The following COL23A1 variants were observed in gnomAD, a reference collection of about 807,000 sequenced individuals.
The protein encoded by COL23A1 is collagen alpha-1(XXIII) chain.
COL23A1 carries 97 observed loss-of-function variants against 99.3 expected under a neutral mutation model. The observed-to-expected ratio is 0.98, with a 90% CI of 0.83 to 1.16. The LOEUF (loss-of-function observed/expected upper bound fraction) is 1.16, where lower values mean the gene tolerates loss of function less well. Among genes scored for constraint, COL23A1 ranks in the 50% most tolerant of loss-of-function variants. The pLI, the probability that COL23A1 is intolerant of heterozygous loss-of-function variation, is 0.00. For synonymous variants in COL23A1, 320 were observed against 308.2 expected (o/e 1.04, Z -0.40); for missense variants, 762 against 757.4 (o/e 1.01, Z -0.07).
chr5:178,240,272 T>A (rs1460253858), intron 27 of COL23A1, among the ~76,000 whole-genome samples: 1 of 152,140 alleles, frequency 6.6e-6, no homozygotes, highest in Non-Finnish European at 1.5e-5. Flanking sequence ...CCTCAGACAC[T>A]GGGCATCCCC....
intron 2 of COL23A1, among the ~76,000 whole-genome samples, chr5:178,372,356 C>T (rs1233629606): frequency 3.3e-5 from 5 of 152,148 alleles, no homozygotes; most frequent in South Asian, 4.1e-4. Flanking sequence ...AGTCCGAGGG[C>T]GTAGTTGCTG....
intron 1 of COL23A1, among the ~76,000 whole-genome samples, chr5:178,579,119 T>A (rs1254727925): frequency 6.6e-6 from 1 of 152,122 alleles, no homozygotes; most frequent in Non-Finnish European, 1.5e-5. Flanking sequence ...TGTATATCCT[T>A]AATAGGATGG....
intron 2 of COL23A1, among the ~76,000 whole-genome samples, chr5:178,327,013 G>C (rs906796182): frequency 1.1e-4 from 17 of 152,256 alleles, no homozygotes; most frequent in Admixed American, 5.2e-4. Flanking sequence ...CCACTGCACC[G>C]GGCCAAAAAT....
At chr5:178,555,601 G>A (rs1043287977) in intron 2 of COL23A1, among the ~76,000 whole-genome samples, 3 of 152,158 alleles carry the variant, frequency 2.0e-5, no homozygotes, top group African/African-American at 7.2e-5. Context: ...CTTTATTAGT[G>A]CAGGGTGATC....
intron 2 of COL23A1, among the ~76,000 whole-genome samples, chr5:178,502,348 G>T (rs544957209): frequency 5.9e-5 from 9 of 152,284 alleles, no homozygotes; most frequent in East Asian, 1.9e-4. Flanking sequence ...AGCCAGGATG[G>T]TCTCGATCTT....
intron 1 of COL23A1, among the ~76,000 whole-genome samples, chr5:178,581,333 A>C (rs1457693601): frequency 6.6e-6 from 1 of 152,212 alleles, no homozygotes; most frequent in Non-Finnish European, 1.5e-5. Flanking sequence ...TGGGAGGCCA[A>C]GGCAGGCAAA....
At chr5:178,286,762 T>C (rs1017813150) in intron 5 of COL23A1, among the ~76,000 whole-genome samples, 1 of 152,162 alleles carries the variant, frequency 6.6e-6, no homozygotes, top group Non-Finnish European at 1.5e-5. Flanking sequence ...CTGGTGTGGC[T>C]GAGAACAAGC....
At chr5:178,528,754 G>A (rs991541080) in intron 2 of COL23A1, among the ~76,000 whole-genome samples, 58 of 152,350 alleles carry the variant, frequency 3.8e-4, no homozygotes, top group Middle Eastern at 3.4e-3. Context: ...AGGTTCCGAC[G>A]CGCTGAGATC....
intron 2 of COL23A1, among the ~76,000 whole-genome samples, chr5:178,400,650 C>CTT (rs70995002): frequency 2.5e-4 from 37 of 147,914 alleles, no homozygotes; most frequent in Admixed American, 6.0e-4. Flanking sequence ...ATCTCCAGAA[C>CTT]TTTTTTTTTT....
intron 20 of COL23A1, 128 bp from the exon 21 acceptor site, chr5:178,247,959 C>G: frequency 1.2e-6 from 1 of 856,266 alleles, no homozygotes; most frequent in Non-Finnish European, 1.8e-6. Flanking sequence ...GTCTGGTGAG[C>G]AGGTGGCAGC....
In COL23A1 at chr5:178,340,379, C is replaced by G. The variant is rs1396157809; in HGVS notation, c.362-33460G>C. 6.6e-6 allele frequency among the ~76,000 whole-genome samples: 1 copy of G among 152,218 alleles called. No homozygotes were observed. The highest frequency in any genetic ancestry group is 2.1e-4 in the South Asian group (1 of 4,828). ...GGAGGGGTAGAAGGGGAAATAAAAG[C>G]TGGTCTCCTTGGCAATTAACGTTCA... is the stretch of plus-strand genomic sequence containing the variant. On this transcript the variant is annotated intron_variant, in intron 2 of 28. Transcript: ENST00000390654. This position sits in a 1 kb window ranked among gnomAD's most constrained non-coding sequence, Gnocchi z 4.7.
chr5:178,367,402 G>C (rs1345360400), intron 2 of COL23A1, among the ~76,000 whole-genome samples: 1 of 152,182 alleles, frequency 6.6e-6, no homozygotes, highest in African/African-American at 2.4e-5. Flanking sequence ...CATGGAAGGT[G>C]GAGTGATCTC....
In COL23A1 at chr5:178,251,638, C is replaced by T. The variant is rs550129192; in HGVS notation, c.1014+906G>A. On this transcript the variant is annotated intron_variant, in intron 17 of 28. Transcript: ENST00000390654. The stretch of plus-strand genomic sequence containing the variant: ...GGCAGGGTTGTCACATGGGATTGCA[C>T]GATGCTGAGGTTTGGGCTTCTAATG... Among the ~76,000 whole-genome samples the T allele has an allele frequency of 2.7e-4, 41 of 152,236 alleles. No homozygotes were observed. The South Asian group carries it at 3.5e-3, about 13-fold the overall frequency.
chr5:178,580,657 T>G (rs1258412876), intron 1 of COL23A1, among the ~76,000 whole-genome samples: 1 of 152,210 alleles, frequency 6.6e-6, no homozygotes, highest in East Asian at 1.9e-4. Context: ...CTGAATTACA[T>G]TCGTTCACAT....
intron 2 of COL23A1, among the ~76,000 whole-genome samples, chr5:178,473,748 T>C (rs1421350593): frequency 6.6e-6 from 1 of 152,148 alleles, no homozygotes; most frequent in Non-Finnish European, 1.5e-5. Flanking sequence ...GCGAAACCCC[T>C]GCACTCCCAA....
intron 2 of COL23A1, among the ~76,000 whole-genome samples, chr5:178,341,625 C>T (rs1760668698): frequency 6.6e-6 from 1 of 152,198 alleles, no homozygotes; most frequent in Admixed American, 6.5e-5. Flanking sequence ...CTGGAAGAGG[C>T]TGGGGAGCCA....
At chr5:178,564,292 T>A (rs1762743143) in intron 1 of COL23A1, among the ~76,000 whole-genome samples, 1 of 152,192 alleles carries the variant, frequency 6.6e-6, no homozygotes, top group South Asian at 2.1e-4. Context: ...AAGTTTTCTC[T>A]CCCGGACCCC....
At chr5:178,407,133 A>C (rs62389402) in intron 2 of COL23A1, among the ~76,000 whole-genome samples, 21,920 of 152,244 alleles carry the variant, frequency 0.14, 1,995 homozygotes, top group Non-Finnish European at 0.21. Context: ...TGGAAGCCCC[A>C]TGGGGAGCAG....
At chr5:178,517,873 C>CTTTTTTT (rs71577021) in intron 2 of COL23A1, among the ~76,000 whole-genome samples, 1 of 97,736 alleles carries the variant, frequency 1.0e-5, no homozygotes, top group African/African-American at 4.9e-5. Flanking sequence ...AACAGCGGTT[C>CTTTTTTT]TTTTTTTTTT....
Sources: allele counts gnomAD v4.1 joint callset (sites outside exome capture counted in the v4.1 genomes callset), GRCh38; gene constraint gnomAD v4.1.1; non-coding constraint Gnocchi (gnomAD v3.1); transcripts MANE v1.5; gene names NCBI Gene and HGNC (gene_info 2026-07-23, HGNC 2026-07-21).